The following PTDSS1 variants were observed in gnomAD, a reference collection of about 807,000 sequenced individuals.
PTDSS1 encodes the protein phosphatidylserine synthase 1.
A neutral mutation model predicts 70.5 loss-of-function variants in PTDSS1; 45 were observed. The ratio of observed to expected loss-of-function variants is 0.64; its 90% CI spans 0.50 to 0.82. The LOEUF (loss-of-function observed/expected upper bound fraction) is 0.82. PTDSS1 is among the 40% of genes least tolerant of loss of function. PTDSS1 has a pLI of 0.00. For missense variants in PTDSS1, 417 were observed against 586.1 expected, an observed-to-expected ratio of 0.71 and a Z score of 2.98; for synonymous variants, 188 against 203.8, an observed-to-expected ratio of 0.92 and a Z score of 0.66.
At chr8:96,315,195 C>T (rs1270925793) in intron 9 of PTDSS1, among the ~76,000 whole-genome samples, 1 of 152,206 alleles carries the variant, frequency 6.6e-6, no homozygotes, top group Non-Finnish European at 1.5e-5. Flanking sequence ...TTCCTGGCAT[C>T]CTGTGTGATT....
At chr8:96,300,345 C>T (rs1368083435) in intron 6 of PTDSS1, among the ~76,000 whole-genome samples, 2 of 152,182 alleles carry the variant, frequency 1.3e-5, no homozygotes, top group Admixed American at 1.3e-4. Flanking sequence ...CCCTCCCAGG[C>T]AACCGAGAGT....
In PTDSS1 at chr8:96,316,987, C is replaced by A. The variant is rs776812057; in HGVS notation, c.1074-3259C>A. On this transcript the variant is annotated intron_variant, in intron 9 of 12. Transcript: ENST00000517309. ...CTAGCCTGGGTGACAGAGTGAGACTCCGTCTAAATATATATATATATATGT... is the reference window on the plus strand; with the variant it reads ...CTAGCCTGGGTGACAGAGTGAGACTACGTCTAAATATATATATATATATGT... 3.2e-4 allele frequency among the ~76,000 whole-genome samples: 48 copies of A among 151,170 alleles called. 1 individual carries two copies. The highest frequency in any genetic ancestry group is 6.5e-4 in the Non-Finnish European group (44 of 67,920).
chr8:96,280,559 C>T (rs905489442), intron 2 of PTDSS1, among the ~76,000 whole-genome samples: 1 of 151,782 alleles, frequency 6.6e-6, no homozygotes, highest in Non-Finnish European at 1.5e-5. Flanking sequence ...CAGGGTGAGA[C>T]TCGTCTCAAA....
At chr8:96,264,172 T>C (rs1373351798) in intron 1 of PTDSS1, among the ~76,000 whole-genome samples, 1 of 152,240 alleles carries the variant, frequency 6.6e-6, no homozygotes, top group Non-Finnish European at 1.5e-5. Context: ...TTATGTTGCC[T>C]GATTTTATCA....
At chr8:96,272,101 A>G (rs1479826131) in intron 1 of PTDSS1, among the ~76,000 whole-genome samples, 1 of 152,110 alleles carries the variant, frequency 6.6e-6, no homozygotes, top group African/African-American at 2.4e-5. Context: ...TTTGGGGAAA[A>G]TGCTTTGCAT....
chr8:96,330,495 G>T (rs574084498), intron 11 of PTDSS1: 5 of 541,344 alleles, frequency 9.2e-6, no homozygotes, highest in African/African-American at 7.6e-5. Flanking sequence ...CAATATTTTT[G>T]TCTAACTTTT....
intron 2 of PTDSS1, among the ~76,000 whole-genome samples, chr8:96,278,972 C>CTTTTTTT (rs36085094): frequency 2.4e-5 from 3 of 122,632 alleles, no homozygotes; most frequent in African/African-American, 3.2e-5. Context: ...TTCAGCCCCC[C>CTTTTTTT]TTTTTTTTTT....
At chr8:96,268,881 C>A (rs780286188) in intron 1 of PTDSS1, among the ~76,000 whole-genome samples, 1 of 152,184 alleles carries the variant, frequency 6.6e-6, no homozygotes, top group Non-Finnish European at 1.5e-5. Context: ...AGACTCCCCC[C>A]TCACGTTACC....
At chr8:96,294,751 T>A (rs1810951494) in intron 4 of PTDSS1, among the ~76,000 whole-genome samples, 1 of 152,226 alleles carries the variant, frequency 6.6e-6, no homozygotes, top group Admixed American at 6.5e-5. Flanking sequence ...ATTGGGAATC[T>A]TTTATTTGTG....
chr8:96,305,618 G>A (rs1811111428), intron 7 of PTDSS1, among the ~76,000 whole-genome samples: 1 of 152,176 alleles, frequency 6.6e-6, no homozygotes, highest in Non-Finnish European at 1.5e-5. Flanking sequence ...TAGAGGATCT[G>A]CTCTGTCCCA....
At chr8:96,279,585 A>G (rs1473819895) in intron 2 of PTDSS1, among the ~76,000 whole-genome samples, 2 of 151,718 alleles carry the variant, frequency 1.3e-5, no homozygotes, top group Non-Finnish European at 2.9e-5. Context: ...TTGGGAGGCC[A>G]AGGTGGGTGG....
intron 11 of PTDSS1, chr8:96,330,634 G>C (rs187875635): frequency 1.6e-5 from 6 of 372,902 alleles, no homozygotes; most frequent in Non-Finnish European, 3.0e-5. Context: ...CCTGTGTTCC[G>C]GCCTGTGGCT....
intron 5 of PTDSS1, 91 bp from the exon 6 acceptor site, chr8:96,299,603 A>G: frequency 7.6e-7 from 1 of 1,314,030 alleles, no homozygotes; most frequent in Non-Finnish European, 1.0e-6. Flanking sequence ...ACTTCTTCTA[A>G]AATAATGTAT....
intron 2 of PTDSS1, among the ~76,000 whole-genome samples, chr8:96,282,903 C>T (rs72678838): frequency 0.039 from 5,927 of 152,178 alleles, 156 homozygotes; most frequent in East Asian, 0.077. Context: ...CAGAAACAGG[C>T]ACCACCCACA....
At chr8:96,323,362 G>A (rs1215750139) in intron 10 of PTDSS1, among the ~76,000 whole-genome samples, 1 of 152,236 alleles carries the variant, frequency 6.6e-6, no homozygotes, top group African/African-American at 2.4e-5. Context: ...CCTGTGGCAG[G>A]TTTTTGCCTA....
In PTDSS1 at chr8:96,261,978, C is replaced by A. The variant is rs946914993; in HGVS notation, c.-63C>A. Reference sequence around the variant, plus strand: ...TATTAGCCTACTGTGGCTAGTCACCCCCGGGGTCCCGGCCTTCTCGGGCTG... The same window carrying A: ...TATTAGCCTACTGTGGCTAGTCACCACCGGGGTCCCGGCCTTCTCGGGCTG... On this transcript the variant is annotated 5_prime_UTR_variant, in exon 1 of 13. Transcript: ENST00000517309. 1.8e-5 allele frequency: 28 copies of A among 1,534,902 alleles called. No individual in the cohort carries two copies. The African/African-American group carries it at 3.0e-4, about 16-fold the overall frequency.
chr8:96,330,697 T>G, intron 11 of PTDSS1: 1 of 375,558 alleles, frequency 2.7e-6, no homozygotes, highest in Non-Finnish European at 4.9e-6. Flanking sequence ...GAGGATACCA[T>G]AGAAAATAGA....
chr8:96,331,190 A>C (rs951008090), intron 12 of PTDSS1, 95 bp downstream of exon 12: 2 of 1,201,864 alleles, frequency 1.7e-6, no homozygotes, highest in Non-Finnish European at 2.4e-6. Flanking sequence ...TAAGCCTTGA[A>C]GGGTCTCAGG....
At chr8:96,274,606 T>C (rs1465961994) in intron 2 of PTDSS1, among the ~76,000 whole-genome samples, 2 of 152,064 alleles carry the variant, frequency 1.3e-5, no homozygotes, top group African/African-American at 4.8e-5. Context: ...GTGCCTGTAA[T>C]CCCAGCTACT....
Sources: allele counts gnomAD v4.1 joint callset (sites outside exome capture counted in the v4.1 genomes callset), GRCh38; gene constraint gnomAD v4.1.1; transcripts MANE v1.5; gene names NCBI Gene and HGNC (gene_info 2026-07-23, HGNC 2026-07-21).